Variants in PCDHA1 observed in about 807,000 individuals in gnomAD.
PCDHA1 encodes protocadherin alpha 1.
In PCDHA1, 42 loss-of-function variants were observed where a neutral mutation model predicts 61.3. That is an observed-to-expected ratio of 0.69 (90% CI 0.54 to 0.89). PCDHA1 has a LOEUF of 0.89. Ranked by LOEUF, PCDHA1 falls within the 40% of genes least tolerant of loss-of-function variation. The pLI, the probability that PCDHA1 is intolerant of heterozygous loss-of-function variation, is 0.00. For missense variants in PCDHA1, 1,256 were observed against 1,235.3 expected, an observed-to-expected ratio of 1.02 and a Z score of -0.25; for synonymous variants, 610 against 553.8, an observed-to-expected ratio of 1.10 and a Z score of -1.43.
At chr5:140,802,675 C>T (rs373853046) in intron 1 of PCDHA1, 94 of 1,613,378 alleles carry the variant, frequency 5.8e-5, no homozygotes, top group African/African-American at 5.1e-4. Context: ...GTGTCCTACT[C>T]GCTGGTGGAA....
intron 3 of PCDHA1, among the ~76,000 whole-genome samples, chr5:141,007,654 C>T (rs1461130528): frequency 6.6e-6 from 1 of 152,052 alleles, no homozygotes; most frequent in Non-Finnish European, 1.5e-5. Context: ...CCTAAAAAAC[C>T]ATAAATTTAC....
In PCDHA1 at chr5:140,808,600, C is replaced by T. The variant is rs150900012; in HGVS notation, c.2394+19916C>T. On this transcript the variant is annotated intron_variant, in intron 1 of 3. Transcript: ENST00000504120. ...TCGTGAAGGAGAACAACCCGCCGGGCTGCCACATCTTCACTGTGTCTGCGT... is the reference window on the plus strand; with the variant it reads ...TCGTGAAGGAGAACAACCCGCCGGGTTGCCACATCTTCACTGTGTCTGCGT... The T allele has an allele frequency of 1.4e-4, 230 of 1,613,924 alleles. 1 individual carries two copies. The African/African-American group carries it at 2.6e-3, about 19-fold the overall frequency.
At chr5:140,830,118 C>T (rs2150181402) in intron 1 of PCDHA1, 27 of 1,613,530 alleles carry the variant, frequency 1.7e-5, no homozygotes, top group East Asian at 1.3e-4. Context: ...GGCCAGGCTC[C>T]AAAGGCGTCA....
Position 141,002,363 on chromosome 5 carries a change from A to G in PCDHA1, c.2543-7264A>G, listed in dbSNP as rs75749580. On this transcript the variant is annotated intron_variant, in intron 3 of 3. Transcript: ENST00000504120. ...CCTTCCCCCACCTCCACTCCTTTCAACTCATTCTGGCTTAGGGCTCCTGCT... is the reference window on the plus strand; with the variant it reads ...CCTTCCCCCACCTCCACTCCTTTCAGCTCATTCTGGCTTAGGGCTCCTGCT... Among the ~76,000 whole-genome samples, 567 of 152,272 alleles carry G rather than the reference A, an allele frequency of 3.7e-3. 5 individuals are homozygous for G. Among genetic ancestry groups the G allele is most frequent in the African/African-American group, 0.013 (537 of 41,558 alleles).
chr5:140,937,805 G>T (rs1192616946), intron 1 of PCDHA1, among the ~76,000 whole-genome samples: 1 of 149,924 alleles, frequency 6.7e-6, no homozygotes, highest in Admixed American at 6.6e-5. Flanking sequence ...CCAGCTACTC[G>T]GGAAGCTGAG....
intron 1 of PCDHA1, chr5:140,875,799 C>T (rs781911910): frequency 5.6e-6 from 9 of 1,614,014 alleles, no homozygotes. Flanking sequence ...TGGAGGTGAT[C>T]GTGGACAGGC....
chr5:140,988,528 T>C (rs1391489747), intron 3 of PCDHA1, among the ~76,000 whole-genome samples: 1 of 152,194 alleles, frequency 6.6e-6, no homozygotes, highest in African/African-American at 2.4e-5. Flanking sequence ...CTCTGCTGGC[T>C]CCATCCATTC....
rs184822768 is a variant in PCDHA1 at position 140,847,338 on chromosome 5, C to A, written c.2394+58654C>A. 45 of 149,900 alleles carry A rather than the reference C, an allele frequency of 3.0e-4. 3 individuals carry two copies. In the Admixed American group the frequency reaches 3.0e-3, roughly 10 times the overall value. The allele number at this position is 149,900 out of a possible 1,614,324, so 9.3% of individuals were successfully genotyped here. On this transcript the variant is annotated intron_variant, in intron 1 of 3. Transcript: ENST00000504120. ...ACAGAAGCAATTGTTAAATGCACCT[C>A]TTAGGCTGTTATCAGTAGAAATACG... is the stretch of plus-strand genomic sequence containing the variant.
intron 1 of PCDHA1, chr5:140,828,240 A>T (rs782505632): frequency 1.9e-6 from 3 of 1,613,830 alleles, no homozygotes; most frequent in South Asian, 1.1e-5. Flanking sequence ...CGGATCGCGC[A>T]GGACCTGGGG....
At chr5:140,985,608 G>A (rs76669319) in intron 3 of PCDHA1, among the ~76,000 whole-genome samples, 1,553 of 152,166 alleles carry the variant, frequency 0.01, 12 homozygotes, top group Middle Eastern at 0.054. Context: ...AGCCCTTTCC[G>A]TGAACCAGCT....
chr5:140,809,417 G>A, intron 1 of PCDHA1: 1 of 1,614,242 alleles, frequency 6.2e-7, no homozygotes, highest in Non-Finnish European at 8.5e-7. Flanking sequence ...GTGCTCCAGT[G>A]CGGTGGGGAG....
At chr5:140,870,482 C>T in intron 1 of PCDHA1, 1 of 1,614,244 alleles carries the variant, frequency 6.2e-7, no homozygotes, top group South Asian at 1.1e-5. Flanking sequence ...CCCGAGTACA[C>T]CGTGTTCGTG....
At chr5:140,958,343 T>C (rs904666839) in intron 1 of PCDHA1, among the ~76,000 whole-genome samples, 2 of 152,144 alleles carry the variant, frequency 1.3e-5, no homozygotes, top group African/African-American at 4.8e-5. Flanking sequence ...TCACAGGAAG[T>C]TCACAGTCTG....
chr5:140,857,186 G>A lies in PCDHA1; in HGVS notation c.2394+68502G>A, dbSNP rs782390373. On this transcript the variant is annotated intron_variant, in intron 1 of 3. Coordinates refer to ENST00000504120, the MANE Select transcript of PCDHA1 (RefSeq NM_018900.4). ...CAGCGTTTCTGACCATGATTCAGGA[G>A]CCAACGGACAGGTCACCTGCTCTCT... 5.0e-6 allele frequency: 8 copies of A among 1,598,548 alleles called. No individual in the cohort carries two copies. In the East Asian group the frequency reaches 1.8e-4, roughly 36 times the overall value.
chr5:140,877,173 G>A (rs1292615979), intron 1 of PCDHA1: 3 of 1,613,710 alleles, frequency 1.9e-6, no homozygotes, highest in Non-Finnish European at 2.5e-6. Flanking sequence ...CACTGCTGGC[G>A]ACTCCGGCTG....
intron 1 of PCDHA1, among the ~76,000 whole-genome samples, chr5:140,925,773 A>G (rs2082712352): frequency 6.6e-6 from 1 of 151,966 alleles, no homozygotes; most frequent in African/African-American, 2.4e-5. Context: ...TCCTGGTCAA[A>G]CTCTAATGAG....
chr5:140,830,567 GTTTTTAA>G, intron 1 of PCDHA1: 1 of 951,116 alleles, frequency 1.1e-6, no homozygotes, highest in Non-Finnish European at 1.4e-6. Context: ...CTATATTTCT[GTTTTTAA>G]TTTTTAATTA....
chr5:140,884,598 C>T (rs782317237), intron 1 of PCDHA1: 4 of 1,614,108 alleles, frequency 2.5e-6, no homozygotes. Flanking sequence ...CCCAGCCTTC[C>T]TCCTTGTCTG....
chr5:140,871,027 C>T (rs1554164992), intron 1 of PCDHA1: 1 of 1,613,114 alleles, frequency 6.2e-7, no homozygotes, highest in African/African-American at 1.3e-5. Context: ...GGCAGACTCG[C>T]CGCGCCACCG....
Sources: allele counts gnomAD v4.1 joint callset (sites outside exome capture counted in the v4.1 genomes callset), GRCh38; gene constraint gnomAD v4.1.1; transcripts MANE v1.5; gene names NCBI Gene and HGNC (gene_info 2026-07-23, HGNC 2026-07-21).